Variants in TAB2 observed in about 807,000 individuals in gnomAD.
TAB2 encodes the protein TGF-beta-activated kinase 1 and MAP3K7-binding protein 2.
Under a neutral mutation model 65.0 loss-of-function variants are expected in TAB2, and 3 were observed. The observed-to-expected ratio is 0.05, with a 90% CI of 0.02 to 0.12. TAB2 has a LOEUF of 0.12. TAB2 is among the 10% of genes least tolerant of loss of function. The pLI is 1.00. For missense variants in TAB2, 623 were observed against 840.3 expected, an observed-to-expected ratio of 0.74 and a Z score of 3.20; for synonymous variants, 298 against 285.1, an observed-to-expected ratio of 1.05 and a Z score of -0.46.
intron 1 of TAB2, among the ~76,000 whole-genome samples, chr6:149,305,540 C>T (rs956011459): frequency 4.6e-5 from 7 of 150,960 alleles, no homozygotes; most frequent in South Asian, 2.1e-4. Context: ...TGTTAATAGA[C>T]GAGTTGTTAG....
intron 1 of TAB2, among the ~76,000 whole-genome samples, chr6:149,306,360 G>GA (rs1779069445): frequency 6.6e-6 from 1 of 151,964 alleles, no homozygotes; most frequent in African/African-American, 2.4e-5. Flanking sequence ...CTAACACGGT[G>GA]AAACCCCGTC....
chr6:149,299,560 A>C (rs1224813674), intron 1 of TAB2, among the ~76,000 whole-genome samples: 1 of 152,222 alleles, frequency 6.6e-6, no homozygotes, highest in Non-Finnish European at 1.5e-5. Context: ...TGACAGAGAA[A>C]GACTCTGTGT....
At chr6:149,329,896 A>G (rs1182606782) in intron 1 of TAB2, among the ~76,000 whole-genome samples, 2 of 152,174 alleles carry the variant, frequency 1.3e-5, no homozygotes, top group Admixed American at 6.5e-5. Context: ...ATTATTATGT[A>G]TATGTATAAA....
intron 1 of TAB2, among the ~76,000 whole-genome samples, chr6:149,275,862 C>T (rs991644318): frequency 2.0e-5 from 3 of 152,142 alleles, no homozygotes; most frequent in African/African-American, 7.2e-5. Flanking sequence ...CCAAAATAAC[C>T]TGATCGGTAC....
At chr6:149,392,668 T>C (rs997975038) in intron 3 of TAB2, among the ~76,000 whole-genome samples, 4 of 152,258 alleles carry the variant, frequency 2.6e-5, no homozygotes, top group African/African-American at 9.6e-5. Flanking sequence ...CATCTGCTTC[T>C]AGCCTTCCAG....
At chr6:149,340,451 T>G (rs1471234614) in intron 1 of TAB2, among the ~76,000 whole-genome samples, 1 of 152,094 alleles carries the variant, frequency 6.6e-6, no homozygotes, top group South Asian at 2.1e-4. Context: ...CTTATTGGAG[T>G]TTCGATGAGT....
chr6:149,261,737 C>A (rs1471631959), intron 1 of TAB2, among the ~76,000 whole-genome samples: 2 of 152,236 alleles, frequency 1.3e-5, no homozygotes, highest in East Asian at 3.8e-4. Context: ...GGGATCATGT[C>A]TCCTCTAGAG....
chr6:149,315,785 A>T (rs1427521969), upstream of TAB2, among the ~76,000 whole-genome samples: 3 of 152,178 alleles, frequency 2.0e-5, no homozygotes, highest in Non-Finnish European at 4.4e-5. Flanking sequence ...CCTCATGACT[A>T]CATAGCTCTA....
At chr6:149,223,145 T>A (rs143005629) in intron 1 of TAB2, among the ~76,000 whole-genome samples, 1 of 152,208 alleles carries the variant, frequency 6.6e-6, no homozygotes, top group Admixed American at 6.5e-5. Flanking sequence ...CAAAAGACTA[T>A]CTTATTAAAT....
intron 1 of TAB2, among the ~76,000 whole-genome samples, chr6:149,224,761 C>T (rs898997651): frequency 1.3e-5 from 2 of 152,160 alleles, no homozygotes; most frequent in Non-Finnish European, 2.9e-5. Context: ...CTTTTCAACT[C>T]GTAGTTTGAT....
At chr6:149,397,452 A>T (rs1178885996) in intron 3 of TAB2, 152 bp from the exon 4 acceptor site, 1 of 961,800 alleles carries the variant, frequency 1.0e-6, no homozygotes, top group Admixed American at 2.1e-5. Flanking sequence ...AAAAAAAAAA[A>T]AAAATTGAAA....
At chr6:149,342,857 G>A (rs888242013) in intron 1 of TAB2, 2 of 152,160 alleles carry the variant, frequency 1.3e-5, no homozygotes, top group Non-Finnish European at 2.9e-5. Context: ...CATGGCACCA[G>A]TCAAGCTTAG....
chr6:149,373,847 T>A (rs1781311237), intron 2 of TAB2, among the ~76,000 whole-genome samples: 1 of 152,174 alleles, frequency 6.6e-6, no homozygotes, highest in Non-Finnish European at 1.5e-5. Context: ...AAATGGCTGA[T>A]TGCAAGTCTG....
At chr6:149,266,520 A>G (rs537366855) in intron 1 of TAB2, among the ~76,000 whole-genome samples, 4 of 152,270 alleles carry the variant, frequency 2.6e-5, no homozygotes, top group Non-Finnish European at 5.9e-5. Flanking sequence ...AAAAGAGAGG[A>G]AGGCTAACGG....
chr6:149,225,860 A>G (rs1340964818), intron 1 of TAB2, among the ~76,000 whole-genome samples: 4 of 152,012 alleles, frequency 2.6e-5, no homozygotes, highest in Non-Finnish European at 4.4e-5. Flanking sequence ...TCCAAAAACA[A>G]GCAGAATTTG....
intron 1 of TAB2, among the ~76,000 whole-genome samples, chr6:149,348,689 C>T (rs1057005155): frequency 6.6e-6 from 1 of 151,690 alleles, no homozygotes; most frequent in Non-Finnish European, 1.5e-5. Flanking sequence ...TAAGGCCGGG[C>T]GCAGTGGCTC....
intron 1 of TAB2, among the ~76,000 whole-genome samples, chr6:149,264,116 A>C (rs1040143653): frequency 2.6e-5 from 4 of 152,214 alleles, no homozygotes; most frequent in Admixed American, 6.5e-5. Context: ...CAGAATGGGC[A>C]GGTAGCGCTG....
intron 3 of TAB2, among the ~76,000 whole-genome samples, chr6:149,397,380 G>A (rs1267163956): frequency 6.6e-6 from 1 of 151,844 alleles, no homozygotes; most frequent in Non-Finnish European, 1.5e-5. Context: ...GGCAGAGGTT[G>A]CACTGAGCCG....
At chr6:149,315,355 C>T (rs1325112803), upstream of TAB2, among the ~76,000 whole-genome samples, 1 of 152,146 alleles carries the variant, frequency 6.6e-6, no homozygotes, top group Non-Finnish European at 1.5e-5. Flanking sequence ...TCAATCTCTT[C>T]TTTCTGTATA....
Sources: allele counts gnomAD v4.1 joint callset (sites outside exome capture counted in the v4.1 genomes callset), GRCh38; gene constraint gnomAD v4.1.1; transcripts MANE v1.5; gene names NCBI Gene and HGNC (gene_info 2026-07-23, HGNC 2026-07-21).